Variants in RIN1 observed in about 807,000 individuals in gnomAD.
RIN1 encodes the protein Ras and Rab interactor 1.
In RIN1, 52 loss-of-function variants were observed where a neutral mutation model predicts 64.9. That is an observed-to-expected ratio of 0.80 (90% confidence interval 0.64 to 1.01). The LOEUF (loss-of-function observed/expected upper bound fraction) is 1.01, where lower values mean the gene tolerates loss of function less well. Ranked by LOEUF, RIN1 falls within the 50% of genes least tolerant of loss-of-function variation. RIN1 has a pLI of 0.00. For synonymous variants in RIN1, 486 were observed against 483.6 expected, an observed-to-expected ratio of 1.00 and a Z score of -0.06; for missense variants, 1,040 against 1,064.5, an observed-to-expected ratio of 0.98 and a Z score of 0.32.
chr11:66,332,254 T>C lies in RIN1; in HGVS notation c.*22A>G. 6.2e-7 allele frequency: 1 copy of C among 1,606,858 alleles called. No individual in the cohort carries two copies. Among genetic ancestry groups the C allele is most frequent in the Non-Finnish European group, 8.5e-7 (1 of 1,174,106 alleles). On this transcript the variant is annotated 3_prime_UTR_variant, in exon 10 of 10. Coordinates refer to ENST00000311320, the MANE Select transcript of RIN1 (RefSeq NM_004292.3). ...CAGGCTCAGGGTCTCCCGCCCCGAA[T>C]GACCCTTCTGGCCACTTCAAGCTAC...
In RIN1 at chr11:66,335,961, T is replaced by G. The variant is rs1590922620; in HGVS notation, c.267+17A>C. On this transcript the variant is annotated intron_variant, in intron 2 of 9. Transcript: ENST00000311320. The stretch of plus-strand genomic sequence containing the variant: ...ACCCCTGGCTGGCCAGTCCCTGGAG[T>G]GTGGGGCAAGACTCACCCCCGGGGG... 6.7e-7 allele frequency: 1 copy of G among 1,482,718 alleles called. No homozygotes were observed. Among genetic ancestry groups the G allele is most frequent in the African/African-American group, 1.4e-5 (1 of 71,186 alleles). 91.8% of individuals were successfully genotyped at this position (1,482,718 alleles called of 1,614,324 possible).
At chr11:66,336,454 C>T (rs576729986), upstream of RIN1, 48 of 1,501,308 alleles carry the variant, frequency 3.2e-5, no homozygotes, top group South Asian at 3.5e-5. Flanking sequence ...AGGCAAGGCA[C>T]GCACATCCCC....
intron 9 of RIN1, chr11:66,332,996 T>C: frequency 3.3e-6 from 2 of 603,568 alleles, no homozygotes; most frequent in South Asian, 4.1e-5. Context: ...TAGTGAGTAA[T>C]TTGTGCCCCA....
rs1854859938 is a variant in RIN1 at position 66,335,442 on chromosome 11, T to C, written c.512A>G (p.His171Arg). 1.9e-6 allele frequency: 3 copies of C among 1,613,266 alleles called. No individual in the cohort carries two copies. The highest frequency in any genetic ancestry group is 2.5e-6 in the Non-Finnish European group (3 of 1,179,448). ...LPRAIHHAAT[H>R]KELEAISHLG... ...ATGGGAGATGGCCTCCAGCTCTTTGTGAGTGGCTGCGTGGTGGATGGCTCT... is the reference window on the plus strand; with the variant it reads ...ATGGGAGATGGCCTCCAGCTCTTTGCGAGTGGCTGCGTGGTGGATGGCTCT... Residue 171 changes from histidine (H) to arginine (R), a missense_variant, in exon 5 of 10, where the codon CAC becomes CGC. Physicochemically the swap from His to Arg is conservative, Grantham distance 29. Coordinates refer to ENST00000311320, the MANE Select transcript of RIN1 (RefSeq NM_004292.3).
Position 66,334,154 on chromosome 11 carries a change from C to T in RIN1, c.1356G>A (p.Leu452=), listed in dbSNP as rs377063187. 6.5e-7 allele frequency: 1 copy of T among 1,540,204 alleles called. No homozygotes were observed. The highest frequency in any genetic ancestry group is 8.7e-7 in the Non-Finnish European group (1 of 1,147,464). The change falls in exon 7 of 10, where the codon CTG becomes CTA. Residue 452 remains leucine (L), a synonymous_variant. Coordinates refer to ENST00000311320, the MANE Select transcript of RIN1 (RefSeq NM_004292.3). ...KPLRPILAAR[L]RRRLAADGSL... ...AGCCGTCTGCGGCAAGCCGGCGCCG[C>T]AGGCGGGCTGCCAGGATGGGCCGGA...
upstream of RIN1, chr11:66,336,468 G>A: frequency 7.2e-7 from 1 of 1,388,674 alleles, no homozygotes; most frequent in Non-Finnish European, 1.0e-6. Flanking sequence ...CATCCCCAGT[G>A]AGTAACACTT....
chr11:66,336,330 G>A lies in RIN1; in HGVS notation c.73C>T (p.Leu25=), dbSNP rs1351743232. Reference sequence around the variant, plus strand: ...AACTTCACTAACTTTTCTCTCGCCAGGTGCCCAGTAGTGAAGCTGGACGGG... The same window carrying A: ...AACTTCACTAACTTTTCTCTCGCCAAGTGCCCAGTAGTGAAGCTGGACGGG... The part of the protein sequence containing the change: ...PSPSSFTTGH[L]AREKPAQDPL... Residue 25 remains leucine, a synonymous_variant, in exon 1 of 10, where the codon CTG becomes TTG. Transcript: ENST00000311320. 6.2e-7 allele frequency: 1 copy of A among 1,613,498 alleles called. No homozygotes were observed. The highest frequency in any genetic ancestry group is 8.5e-7 in the Non-Finnish European group (1 of 1,179,744).
Position 66,335,808 on chromosome 11 carries a change from ACTGGC to A in RIN1, c.331_335del (p.Ala111TrpfsTer71). On this transcript the variant is annotated frameshift_variant, in exon 3 of 10. Transcript: ENST00000311320. LOFTEE classifies it high-confidence loss of function. ...AGTGGCTGGAGACGAAGGAGGGGCC[ACTGGC>A]TTCAGGCAACCGCATGCACAGGGCC... 1 of 1,610,180 alleles carries A rather than the reference ACTGGC, an allele frequency of 6.2e-7. No individual in the cohort carries two copies. The highest frequency in any genetic ancestry group is 8.5e-7 in the Non-Finnish European group (1 of 1,177,454).
At position 66,333,249 on chromosome 11, in the gene RIN1, G is replaced by A. The variant is rs1309274893; in HGVS notation, c.1875+9C>T. ...TCTGGCTCTGAGGACACGGTGGAGG[G>A]CCTGTTACCTGGAAGCAGTGGGTGG... On this transcript the variant is annotated intron_variant, in intron 9 of 9. Transcript: ENST00000311320. 1.2e-6 allele frequency: 2 copies of A among 1,609,446 alleles called. No individual in the cohort carries two copies. Among genetic ancestry groups the A allele is most frequent in the South Asian group, 1.1e-5 (1 of 91,000 alleles).
In RIN1 at chr11:66,332,182, G is replaced by T. The variant is rs747119573; in HGVS notation, c.*94C>A. ...TCAGACAAAGGTGGTGGCAGACACA[G>T]GACAGGGCCCTGGGTGGGGCTTGCT... is the stretch of plus-strand genomic sequence containing the variant. On this transcript the variant is annotated 3_prime_UTR_variant, in exon 10 of 10. Coordinates refer to ENST00000311320, the MANE Select transcript of RIN1 (RefSeq NM_004292.3). 8.6e-7 allele frequency: 1 copy of T among 1,166,788 alleles called. No homozygotes were observed. Among genetic ancestry groups the T allele is most frequent in the South Asian group, 1.3e-5 (1 of 78,632 alleles). 72.3% of individuals were successfully genotyped at this position (1,166,788 alleles called of 1,614,324 possible).
chr11:66,335,943 G>T, intron 2 of RIN1, 35 bp downstream of exon 2: 1 of 1,490,888 alleles, frequency 6.7e-7, no homozygotes, highest in East Asian at 2.4e-5. Context: ...CCCACCCCTG[G>T]CTGGCCAGTC....
At position 66,332,292 on chromosome 11, in the gene RIN1, C is replaced by A. The variant is rs757397798; in HGVS notation, c.2336G>T (p.Arg779Leu). Reference protein sequence around the residue: ...QPGEPEAEGSRAAEE With the variant: ...QPGEPEAEGSLAAEE ...CACTTCAAGCTACTCCTCTGCTGCCCGGCTTCCCTCTGCCTCTGGTTCCCC... is the reference window on the plus strand; with the variant it reads ...CACTTCAAGCTACTCCTCTGCTGCCAGGCTTCCCTCTGCCTCTGGTTCCCC... Residue 779 changes from arginine (R) to leucine (L), a missense_variant, in exon 10 of 10, where the codon CGG (arginine) becomes CTG (leucine). Transcript: ENST00000311320. 2 of 1,614,046 alleles carry A rather than the reference C, an allele frequency of 1.2e-6. No homozygotes were observed. The highest frequency in any genetic ancestry group is 1.7e-6 in the Non-Finnish European group (2 of 1,180,026).
In RIN1 at chr11:66,332,196, G is replaced by C. The variant is rs552841602; in HGVS notation, c.*80C>G. Reference sequence around the variant, plus strand: ...TGGCAGACACAGGACAGGGCCCTGGGTGGGGCTTGCTGGCGCTAAAAGGAT... The same window carrying C: ...TGGCAGACACAGGACAGGGCCCTGGCTGGGGCTTGCTGGCGCTAAAAGGAT... On this transcript the variant is annotated 3_prime_UTR_variant, in exon 10 of 10. Coordinates refer to ENST00000311320, the MANE Select transcript of RIN1 (RefSeq NM_004292.3). The C allele has an allele frequency of 4.4e-5, 59 of 1,333,708 alleles. No homozygotes were observed. In the African/African-American group the frequency reaches 6.7e-4, roughly 15 times the overall value. The allele number at this position is 1,333,708 out of a possible 1,614,324, so 82.6% of individuals were successfully genotyped here. A position where few individuals can be genotyped will look rare whatever the true frequency, so the allele number is the denominator to read the frequency against.
At position 66,336,149 on chromosome 11, in the gene RIN1, C is replaced by T. The variant is rs183559405; in HGVS notation, c.96G>A (p.Gln32=). 1.4e-6 allele frequency: 2 copies of T among 1,451,074 alleles called. No individual in the cohort carries two copies. The highest frequency in any genetic ancestry group is 1.4e-5 in the African/African-American group (1 of 70,310). The allele number at this position is 1,451,074 out of a possible 1,614,324, so 89.9% of individuals were successfully genotyped here. ...TGHLAREKPA[Q]DPLYDVPNAS... is the part of the protein sequence containing the mutation. Reference sequence around the variant, plus strand: ...CATTGGGCACGTCATACAGTGGGTCCTGGGCTGGCCTGGGGGCAGGCACCC... The same window carrying T: ...CATTGGGCACGTCATACAGTGGGTCTTGGGCTGGCCTGGGGGCAGGCACCC... The change falls in exon 2 of 10, where the codon CAG becomes CAA. Residue 32 remains glutamine (Q), a synonymous_variant. Coordinates refer to ENST00000311320, the MANE Select transcript of RIN1 (RefSeq NM_004292.3).
Position 66,334,618 on chromosome 11 carries a change from G to C in RIN1, c.1181C>G (p.Pro394Arg). ...GATGCCCTGCAGCTCCTGGGGCTCG[G>C]GCCCAGCCCGCACCTGGGTCAGTAG... The part of the protein sequence containing the change: ...QDLLTQVRAG[P>R]EPQELQGIRQ... Residue 394 changes from proline (P) to arginine (R), a missense_variant, in exon 6 of 10, where the codon CCC becomes CGC. Transcript: ENST00000311320. 20 of 1,577,804 alleles carry C rather than the reference G, an allele frequency of 1.3e-5. No homozygotes were observed. The highest frequency in any genetic ancestry group is 1.6e-5 in the Non-Finnish European group (19 of 1,164,460).
At chr11:66,336,231 G>A (rs2134951191) in intron 1 of RIN1, 73 bp from the exon 2 acceptor site, 1 of 1,506,942 alleles carries the variant, frequency 6.6e-7, no homozygotes, top group East Asian at 2.5e-5. Flanking sequence ...CCCACTCCCG[G>A]GTTTCCCACT....
At chr11:66,334,312 G>T in intron 6 of RIN1, 88 bp from the exon 7 acceptor site, 1 of 1,286,406 alleles carries the variant, frequency 7.8e-7, no homozygotes, top group South Asian at 1.5e-5. Context: ...TAGAATCGGG[G>T]AGGAGAGGCA....
Position 66,333,670 on chromosome 11 carries a change from T to C in RIN1, c.1592-12A>G, listed in dbSNP as rs537418178. 1.9e-5 allele frequency: 31 copies of C among 1,605,552 alleles called. No homozygotes were observed. In the East Asian group the frequency reaches 6.0e-4, roughly 31 times the overall value. ...ACCCGCGCCCTCCCCTGTGGGGACA[T>C]GGTGAGAGGAAGAAGCTTCAGGTAC... On this transcript the variant is annotated splice_polypyrimidine_tract_variant and intron_variant, in intron 7 of 9. Transcript: ENST00000311320.
intron 1 of RIN1, 79 bp downstream of exon 1, chr11:66,336,238 C>A: frequency 1.3e-6 from 2 of 1,513,186 alleles, no homozygotes; most frequent in Non-Finnish European, 1.8e-6. Context: ...CCGGGTTTCC[C>A]ACTTTCTCTA....
Sources: allele counts gnomAD v4.1 joint callset, GRCh38; gene constraint gnomAD v4.1.1; transcripts MANE v1.5; gene names NCBI Gene and HGNC (gene_info 2026-07-23, HGNC 2026-07-21).